The following NUGGC variants were observed in gnomAD, a reference collection of about 807,000 sequenced individuals.
NUGGC encodes the protein nuclear GTPase, germinal center associated.
Under a neutral mutation model 92.6 loss-of-function variants are expected in NUGGC, and 58 were observed. That is an observed-to-expected ratio of 0.63 (90% CI 0.51 to 0.78). The LOEUF (loss-of-function observed/expected upper bound fraction) is 0.78. NUGGC is among the 30% of genes least tolerant of loss of function. The probability of loss-of-function intolerance (pLI) is 0.00; values close to 1 mark genes in which losing one functional copy is unlikely to be tolerated. For missense variants in NUGGC, 925 were observed against 964.6 expected, an observed-to-expected ratio of 0.96 and a Z score of 0.54; for synonymous variants, 376 against 366.4, an observed-to-expected ratio of 1.03 and a Z score of -0.30.
At chr8:28,055,189 G>A (rs995868327) in intron 10 of NUGGC, among the ~76,000 whole-genome samples, 4 of 152,100 alleles carry the variant, frequency 2.6e-5, no homozygotes, top group African/African-American at 7.2e-5. Flanking sequence ...GGAGACGGAG[G>A]TTGCAGTGAG....
At chr8:28,082,535 T>C (rs1458331064) in intron 1 of NUGGC, among the ~76,000 whole-genome samples, 1 of 152,224 alleles carries the variant, frequency 6.6e-6, no homozygotes, top group East Asian at 1.9e-4. Context: ...AAGATCACAC[T>C]GTTCTGTAAA....
intron 17 of NUGGC, among the ~76,000 whole-genome samples, chr8:28,028,200 T>G (rs1010199554): frequency 1.3e-5 from 2 of 152,224 alleles, no homozygotes; most frequent in Admixed American, 1.3e-4. Flanking sequence ...CCTGGGTGTC[T>G]TAAGATCCAG....
chr8:28,061,449 AT>A lies in NUGGC; in HGVS notation c.922-849del, dbSNP rs1810303388. Among the ~76,000 whole-genome samples, 7 of 152,288 alleles carry A rather than the reference AT, an allele frequency of 4.6e-5. No homozygotes were observed. In the South Asian group the frequency reaches 1.4e-3, roughly 32 times the overall value. On this transcript the variant is annotated intron_variant, in intron 7 of 18. Transcript: ENST00000413272. ...CTGGTTCAACTCAGGGATTGAGTTT[AT>A]TTGTGGTTCCTCAGTGCTTTGCATA...
At chr8:28,068,161 G>T in intron 5 of NUGGC, 55 bp downstream of exon 5, 1 of 1,094,458 alleles carries the variant, frequency 9.1e-7, no homozygotes, top group Non-Finnish European at 1.4e-6. Flanking sequence ...GAAAAAGGAA[G>T]AAAGGAAGGA....
At chr8:28,025,620 A>G (rs1489776539) in intron 18 of NUGGC, among the ~76,000 whole-genome samples, 1 of 109,096 alleles carries the variant, frequency 9.2e-6, no homozygotes, top group Non-Finnish European at 1.9e-5. Flanking sequence ...AGGGTGTTGT[A>G]TCTCCTTCCC....
intron 17 of NUGGC, among the ~76,000 whole-genome samples, chr8:28,027,372 G>C (rs1809293853): frequency 6.6e-6 from 1 of 152,158 alleles, no homozygotes; most frequent in South Asian, 2.1e-4. Context: ...ATGGCGGAGA[G>C]AATGGCAATC....
chr8:28,054,893 A>C (rs773276981), intron 10 of NUGGC, among the ~76,000 whole-genome samples: 1 of 151,972 alleles, frequency 6.6e-6, no homozygotes, highest in African/African-American at 2.4e-5. Flanking sequence ...TAAAAATAAT[A>C]ATAATAAAAT....
chr8:28,047,668 TCATGCA>T, intron 10 of NUGGC, 56 bp from the exon 11 acceptor site: 1 of 1,094,496 alleles, frequency 9.1e-7, no homozygotes, highest in Non-Finnish European at 1.4e-6. Flanking sequence ...GCAAAGGCAA[TCATGCA>T]CAGGACCCAC....
At chr8:28,068,135 A>AAAGG in intron 5 of NUGGC, 81 bp downstream of exon 5, 1 of 788,570 alleles carries the variant, frequency 1.3e-6, no homozygotes, top group Admixed American at 2.3e-5. Flanking sequence ...AGGAAGAAAG[A>AAAGG]AAGGAAGGAG....
intron 10 of NUGGC, among the ~76,000 whole-genome samples, chr8:28,049,974 C>T (rs1222436480): frequency 6.6e-6 from 1 of 152,076 alleles, no homozygotes; most frequent in Non-Finnish European, 1.5e-5. Context: ...GTAGTCCCAA[C>T]TACTCGGGAG....
chr8:28,067,364 T>G (rs1461404420), intron 6 of NUGGC, 150 bp downstream of exon 6: 1 of 628,128 alleles, frequency 1.6e-6, no homozygotes, highest in Non-Finnish European at 2.8e-6. Flanking sequence ...ATAATGAGGA[T>G]AACTTGGGCT....
At chr8:28,042,068 C>T (rs1437037700) in intron 12 of NUGGC, among the ~76,000 whole-genome samples, 1 of 152,240 alleles carries the variant, frequency 6.6e-6, no homozygotes, top group East Asian at 1.9e-4. Flanking sequence ...TAAGGAGAAA[C>T]CTTATAAAAC....
intron 13 of NUGGC, among the ~76,000 whole-genome samples, chr8:28,035,837 T>C (rs1356655233): frequency 1.3e-5 from 2 of 152,232 alleles, no homozygotes; most frequent in Admixed American, 6.5e-5. Flanking sequence ...TGTTTGTTTG[T>C]TTGTTTTTTA....
chr8:28,053,880 T>C (rs955977813), intron 10 of NUGGC, among the ~76,000 whole-genome samples: 1 of 152,218 alleles, frequency 6.6e-6, no homozygotes, highest in African/African-American at 2.4e-5. Flanking sequence ...ATTCAAGAAT[T>C]GCCTGATAGA....
At chr8:28,058,011 G>T (rs1810191511) in intron 9 of NUGGC, among the ~76,000 whole-genome samples, 1 of 152,144 alleles carries the variant, frequency 6.6e-6, no homozygotes, top group Non-Finnish European at 1.5e-5. Flanking sequence ...GGCCAACGTG[G>T]TGAAACCCCA....
intron 4 of NUGGC, 103 bp from the exon 5 acceptor site, chr8:28,068,541 A>G: frequency 1.3e-6 from 1 of 747,344 alleles, no homozygotes. Context: ...CGGGCACGTC[A>G]CTACAACCTG....
chr8:28,053,764 G>A (rs543910760), intron 10 of NUGGC, among the ~76,000 whole-genome samples: 1 of 152,240 alleles, frequency 6.6e-6, no homozygotes, highest in African/African-American at 2.4e-5. Context: ...CATTTCCAGG[G>A]ATAATATGAT....
At chr8:28,075,482 A>G (rs1810699615) in intron 1 of NUGGC, among the ~76,000 whole-genome samples, 1 of 152,222 alleles carries the variant, frequency 6.6e-6, no homozygotes, top group Admixed American at 6.5e-5. Flanking sequence ...GAGCTGCTTC[A>G]TCTCCACCCA....
At chr8:28,068,020 A>G (rs1810486263) in intron 5 of NUGGC, among the ~76,000 whole-genome samples, 196 bp downstream of exon 5, 1 of 152,142 alleles carries the variant, frequency 6.6e-6, no homozygotes, top group South Asian at 2.1e-4. Context: ...TGCAAGGAAT[A>G]TAATGTTATC....
Sources: allele counts gnomAD v4.1 joint callset (sites outside exome capture counted in the v4.1 genomes callset), GRCh38; gene constraint gnomAD v4.1.1; transcripts MANE v1.5; gene names NCBI Gene and HGNC (gene_info 2026-07-23, HGNC 2026-07-21).